FSCN3: variants seen among roughly 807,000 people sequenced by gnomAD.
The protein encoded by FSCN3 is fascin actin-bundling protein 3, also known as fascin-3.
A neutral mutation model predicts 53.5 loss-of-function variants in FSCN3; 43 were observed. The observed-to-expected ratio is 0.80, with a 90% CI of 0.63 to 1.04. The LOEUF is 1.04. Among genes scored for constraint, FSCN3 ranks in the 50% least tolerant of loss-of-function variants. FSCN3 has a pLI of 0.00. For missense variants in FSCN3, 594 were observed against 646.5 expected (o/e 0.92, Z 0.88); for synonymous variants, 235 against 246.6 (o/e 0.95, Z 0.44).
At chr7:127,597,319 A>G (rs1186381083) in intron 3 of FSCN3, among the ~76,000 whole-genome samples, 1 of 152,158 alleles carries the variant, frequency 6.6e-6, no homozygotes, top group Non-Finnish European at 1.5e-5. Flanking sequence ...TGATTATACT[A>G]TTTTACATTC....
rs368223947 is a variant in FSCN3, at chr7:127,594,248, C to CTGTGTGTG, written c.144+276_144+283dup. On this transcript the variant is annotated intron_variant, in intron 1 of 6. Transcript: ENST00000265825. The stretch of plus-strand genomic sequence containing the variant: ...GGAACCAGTTTTCTGAGTGGCCAAG[C>CTGTGTGTG]TGTGTGTGTGTGTGTGTGTGTGTGT... Among the ~76,000 whole-genome samples the CTGTGTGTG allele has an allele frequency of 6.8e-3, 678 of 98,996 alleles. 28 individuals are homozygous for CTGTGTGTG. The highest frequency in any genetic ancestry group is 0.042 in the Middle Eastern group (9 of 212). The allele number at this position is 98,996 out of a possible 152,430, so 64.9% of individuals were successfully genotyped here. A position where few individuals can be genotyped will look rare whatever the true frequency, so the allele number is the denominator to read the frequency against.
At chr7:127,594,104 G>C (rs1794340228) in intron 1 of FSCN3, 107 bp downstream of exon 1, 1 of 1,298,832 alleles carries the variant, frequency 7.7e-7, no homozygotes, top group East Asian at 2.6e-5. Context: ...GTGTGTGTGT[G>C]TATGTACTTG....
At chr7:127,599,208 A>G (rs1310802223) in intron 4 of FSCN3, among the ~76,000 whole-genome samples, 173 bp from the exon 5 acceptor site, 1 of 152,124 alleles carries the variant, frequency 6.6e-6, no homozygotes, top group Non-Finnish European at 1.5e-5. Flanking sequence ...TGTGCTAGGT[A>G]CTCTCACAAA....
Position 127,600,282 on chromosome 7 carries a change from G to C in FSCN3, c.1380G>C (p.Gln460His), listed in dbSNP as rs772752415. ...KFALNFCIEL[Q>H]GSNLLTVLAP... ...CCCTCAACTTCTGTATCGAGCTTCAGGGGAGCAACTTACTCACTGTACTGG... is the reference window on the plus strand; with the variant it reads ...CCCTCAACTTCTGTATCGAGCTTCACGGGAGCAACTTACTCACTGTACTGG... Residue 460 changes from glutamine (Q) to histidine (H), a missense_variant, in exon 6 of 7, where the codon CAG becomes CAC. Transcript: ENST00000265825. 1 of 1,610,242 alleles carries C rather than the reference G, an allele frequency of 6.2e-7. No homozygotes were observed. Among genetic ancestry groups the C allele is most frequent in the Non-Finnish European group, 8.5e-7 (1 of 1,176,472 alleles).
At chr7:127,598,737 G>A (rs1794427583) in intron 4 of FSCN3, 143 bp downstream of exon 4, 3 of 677,852 alleles carry the variant, frequency 4.4e-6, no homozygotes, top group Non-Finnish European at 7.5e-6. Flanking sequence ...AGGCTGAGGT[G>A]GGTGGATCAC....
At position 127,601,892 on chromosome 7, in the gene FSCN3, C is replaced by T. The variant is rs1163632064; in HGVS notation, c.*270C>T. On this transcript the variant is annotated 3_prime_UTR_variant, in exon 7 of 7. Coordinates refer to ENST00000265825, the MANE Select transcript of FSCN3 (RefSeq NM_020369.3). ...TGCTCTAAGTTCTATACAGGAGAGA[C>T]CAAATGGCAAGCAGTTCTTCCACTG... 1 of 152,212 alleles carries T rather than the reference C, an allele frequency of 6.6e-6. No individual in the cohort carries two copies. Among genetic ancestry groups the T allele is most frequent in the Non-Finnish European group, 1.5e-5 (1 of 68,070 alleles). 9.4% of individuals were successfully genotyped at this position (152,212 alleles called of 1,614,324 possible).
At position 127,599,384 on chromosome 7, in the gene FSCN3, C is replaced by G; in HGVS notation, c.1124C>G (p.Pro375Arg). The G allele has an allele frequency of 6.2e-7, 1 of 1,613,124 alleles. No homozygotes were observed. The highest frequency in any genetic ancestry group is 8.5e-7 in the Non-Finnish European group (1 of 1,179,240). ...LLMANVILPGPNEEFGILFAN... is the reference protein window; with the variant it reads ...LLMANVILPGRNEEFGILFAN... ...AACTCCTTCCTATTTCCTTCAGGCC[C>G]AAATGAGGAATTTGGGATTTTATTT... Residue 375 changes from proline to arginine, a missense_variant, in exon 5 of 7, where the codon CCA becomes CGA. By Grantham distance (103) the Pro-to-Arg change is moderately radical. Transcript: ENST00000265825.
At position 127,598,598 on chromosome 7, in the gene FSCN3, A is replaced by G; in HGVS notation, c.1120+4A>G. ...ATGGCCAATGTCATCCTTCCAGGTG[A>G]GTGGAGCAGCCTTCCTGCCAGATGA... On this transcript the variant is annotated splice_donor_region_variant and intron_variant, in intron 4 of 6. Coordinates refer to ENST00000265825, the MANE Select transcript of FSCN3 (RefSeq NM_020369.3). 6.3e-7 allele frequency: 1 copy of G among 1,597,338 alleles called. No individual in the cohort carries two copies. The highest frequency in any genetic ancestry group is 2.3e-5 in the East Asian group (1 of 44,394).
Position 127,598,457 on chromosome 7 carries a change from C to A in FSCN3, c.983C>A (p.Ala328Asp). The change falls in exon 4 of 7, where the codon GCT becomes GAT. Residue 328 changes from alanine (A) to aspartate (D), a missense_variant. Ala to Asp is a moderately radical substitution (Grantham distance 126). Transcript: ENST00000265825. Reference protein sequence around the residue: ...LSQRRHRAVMADGHPLESDTF... With the variant: ...LSQRRHRAVMDDGHPLESDTF... ...CAGAGGCGCCACAGGGCAGTAATGG[C>A]TGATGGGCACCCCCTGGAGTCTGAC... 1 of 1,614,074 alleles carries A rather than the reference C, an allele frequency of 6.2e-7. No individual in the cohort carries two copies. The highest frequency in any genetic ancestry group is 8.5e-7 in the Non-Finnish European group (1 of 1,179,924).
chr7:127,599,642 G>C (rs1794442785), intron 5 of FSCN3, 91 bp downstream of exon 5: 1 of 1,270,686 alleles, frequency 7.9e-7, no homozygotes, highest in Admixed American at 2.1e-5. Flanking sequence ...CTCAGGGCTT[G>C]CTCATTATAA....
At position 127,595,249 on chromosome 7, in the gene FSCN3, C is replaced by T. The variant is rs550698572; in HGVS notation, c.145-58C>T. ...TACCAGCCATGACAGTTGCAGGGCT[C>T]CTTGGTCTGGTAACTTCGTGATACT... is the stretch of plus-strand genomic sequence containing the variant. On this transcript the variant is annotated intron_variant, in intron 1 of 6. Transcript: ENST00000265825. 1.3e-3 allele frequency: 1,972 copies of T among 1,488,256 alleles called. 5 individuals carry two copies. The highest frequency in any genetic ancestry group is 1.7e-3 in the Non-Finnish European group (1,843 of 1,089,900). The allele number at this position is 1,488,256 out of a possible 1,614,324, so 92.2% of individuals were successfully genotyped here. A position where few individuals can be genotyped will look rare whatever the true frequency, so the allele number is the denominator to read the frequency against.
At chr7:127,597,949 G>C (rs981555804) in intron 3 of FSCN3, among the ~76,000 whole-genome samples, 2 of 152,086 alleles carry the variant, frequency 1.3e-5, no homozygotes, top group African/African-American at 4.8e-5. Context: ...TCCAAACCTG[G>C]GGCTTACCTT....
intron 1 of FSCN3, among the ~76,000 whole-genome samples, 162 bp downstream of exon 1, chr7:127,594,159 G>GTT (rs1794342048): frequency 4.3e-5 from 2 of 46,454 alleles, no homozygotes; most frequent in Non-Finnish European, 9.1e-5. Context: ...GAGTGGCCAA[G>GTT]CTGTGTGTGT....
intron 5 of FSCN3, 69 bp from the exon 6 acceptor site, chr7:127,600,125 C>A: frequency 1.2e-6 from 1 of 843,132 alleles, no homozygotes. Flanking sequence ...CCACAGAGTC[C>A]CTCCAAGGCC....
At chr7:127,596,186 G>T in intron 2 of FSCN3, 142 bp from the exon 3 acceptor site, 1 of 1,498,514 alleles carries the variant, frequency 6.7e-7, no homozygotes, top group Non-Finnish European at 8.9e-7. Context: ...GGGGAAAGTT[G>T]CCTAGGTCTT....
intron 2 of FSCN3, 160 bp from the exon 3 acceptor site, chr7:127,596,168 G>A (rs779227899): frequency 9.1e-6 from 9 of 985,354 alleles, no homozygotes; most frequent in Non-Finnish European, 1.1e-5. Context: ...GCATGGGTAT[G>A]GGATTTAGGG....
intron 4 of FSCN3, 69 bp from the exon 5 acceptor site, chr7:127,599,312 C>A (rs574941679): frequency 1.7e-6 from 2 of 1,208,156 alleles, no homozygotes; most frequent in Non-Finnish European, 1.2e-6. Flanking sequence ...TAGCGTCCCC[C>A]CTCCTGCTTC....
At chr7:127,596,037 G>C in intron 2 of FSCN3, 34 bp downstream of exon 2, 1 of 1,515,218 alleles carries the variant, frequency 6.6e-7, no homozygotes, top group Non-Finnish European at 8.8e-7. Context: ...TGGAGGGAGA[G>C]AGGGCTGGCT....
intron 1 of FSCN3, chr7:127,595,101 G>T (rs779428993): frequency 3.3e-6 from 2 of 603,258 alleles, no homozygotes; most frequent in Non-Finnish European, 5.9e-6. Flanking sequence ...GGCTGCAGGG[G>T]TGGAAGGGCC....
Sources: allele counts gnomAD v4.1 joint callset (sites outside exome capture counted in the v4.1 genomes callset), GRCh38; gene constraint gnomAD v4.1.1; transcripts MANE v1.5; gene names NCBI Gene and HGNC (gene_info 2026-07-23, HGNC 2026-07-21).